The following KIAA1958 variants were observed in gnomAD, a reference collection of about 807,000 sequenced individuals.
The protein encoded by KIAA1958 is KIAA1958, also known as uncharacterized protein KIAA1958.
A neutral mutation model predicts 47.2 loss-of-function variants in KIAA1958; 14 were observed. The ratio of observed to expected loss-of-function variants is 0.30; its 90% CI spans 0.20 to 0.46. The LOEUF (loss-of-function observed/expected upper bound fraction) is 0.46. Ranked by LOEUF, KIAA1958 falls within the 20% of genes least tolerant of loss-of-function variation. KIAA1958 has a pLI of 1.00. For missense variants in KIAA1958, 803 were observed against 909.2 expected (o/e 0.88, Z 1.50); for synonymous variants, 354 against 353.3 (o/e 1.00, Z -0.02).
At chr9:112,557,020 C>G (rs904277105) in intron 1 of KIAA1958, among the ~76,000 whole-genome samples, 5 of 151,902 alleles carry the variant, frequency 3.3e-5, no homozygotes, top group African/African-American at 1.2e-4. Context: ...ACAGAGTGGC[C>G]CAATCATGGC....
At chr9:112,552,593 T>G (rs977889149) in intron 1 of KIAA1958, among the ~76,000 whole-genome samples, 21 of 152,194 alleles carry the variant, frequency 1.4e-4, no homozygotes, top group African/African-American at 4.8e-4. Context: ...TGCTTAATGT[T>G]CAAATATGTT....
chr9:112,488,631 A>T (rs1207547531), intron 1 of KIAA1958, among the ~76,000 whole-genome samples: 5 of 152,186 alleles, frequency 3.3e-5, no homozygotes, highest in African/African-American at 9.7e-5. Flanking sequence ...AATTATATGG[A>T]CAGTCATATG....
chr9:112,602,390 A>G (rs1836150069), intron 2 of KIAA1958, among the ~76,000 whole-genome samples: 1 of 152,206 alleles, frequency 6.6e-6, no homozygotes, highest in Non-Finnish European at 1.5e-5. Flanking sequence ...TAAAATACCA[A>G]GATCGTTTCC....
At chr9:112,502,117 AG>A (rs1834152261) in intron 1 of KIAA1958, among the ~76,000 whole-genome samples, 1 of 152,158 alleles carries the variant, frequency 6.6e-6, no homozygotes, top group Admixed American at 6.5e-5. Context: ...GAGGGGAGGA[AG>A]TTATTCTCAT....
intron 1 of KIAA1958, among the ~76,000 whole-genome samples, chr9:112,543,705 C>T (rs1834982824): frequency 6.6e-6 from 1 of 151,746 alleles, no homozygotes; most frequent in Non-Finnish European, 1.5e-5. Flanking sequence ...TCCTGAGTAG[C>T]TGGGATTACA....
At chr9:112,590,290 A>G (rs1835897636) in intron 2 of KIAA1958, among the ~76,000 whole-genome samples, 1 of 151,358 alleles carries the variant, frequency 6.6e-6, no homozygotes, top group Admixed American at 6.6e-5. Flanking sequence ...TCTCCTCCAA[A>G]GCTTTGTTAG....
intron 2 of KIAA1958, among the ~76,000 whole-genome samples, chr9:112,626,686 G>A (rs534316380): frequency 1.3e-5 from 2 of 151,948 alleles, no homozygotes; most frequent in Admixed American, 6.6e-5. Flanking sequence ...GATGAAGTAG[G>A]AGGTCCATGT....
chr9:112,562,856 G>A (rs1319815187), intron 1 of KIAA1958, among the ~76,000 whole-genome samples: 1 of 150,960 alleles, frequency 6.6e-6, no homozygotes, highest in African/African-American at 2.4e-5. Context: ...TGTGGAGATG[G>A]AGTCTTGCTA....
chr9:112,563,101 A>AT (rs1835366247), intron 1 of KIAA1958, among the ~76,000 whole-genome samples: 2 of 143,830 alleles, frequency 1.4e-5, no homozygotes, highest in Non-Finnish European at 3.0e-5. Context: ...ATATATATAA[A>AT]TTTTTTTTAA....
chr9:112,626,922 T>C (rs1327729641), intron 2 of KIAA1958, among the ~76,000 whole-genome samples: 2 of 152,214 alleles, frequency 1.3e-5, no homozygotes, highest in Admixed American at 1.3e-4. Flanking sequence ...AGGTGCTCTT[T>C]CATATGTGTG....
chr9:112,631,872 A>C (rs1836716409), intron 2 of KIAA1958, among the ~76,000 whole-genome samples: 1 of 152,252 alleles, frequency 6.6e-6, no homozygotes, highest in South Asian at 2.1e-4. Flanking sequence ...GCCAAAATCT[A>C]TTTTATAGTG....
chr9:112,618,529 C>A lies in KIAA1958; in HGVS notation c.1172-27121C>A, dbSNP rs76244866. 1 of 1,550,606 alleles carries A rather than the reference C, an allele frequency of 6.4e-7. No homozygotes were observed. The highest frequency in any genetic ancestry group is 1.4e-5 in the African/African-American group (1 of 73,066). On this transcript the variant is annotated intron_variant, in intron 2 of 3. Transcript: ENST00000337530. The surrounding 1 kb of genome is among the most constrained non-coding windows in gnomAD (Gnocchi z 7.1). The stretch of plus-strand genomic sequence containing the variant: ...ACTCCCGTGTGTATGCCACCCAGCA[C>A]GCCCCACAGACCTGCCCTGTCCAGG...
chr9:112,607,710 C>T (rs927158245), intron 2 of KIAA1958, among the ~76,000 whole-genome samples: 1 of 148,560 alleles, frequency 6.7e-6, no homozygotes, highest in Non-Finnish European at 1.5e-5. Context: ...AAGTTATTGC[C>T]CCTCATTGAT....
intron 2 of KIAA1958, among the ~76,000 whole-genome samples, chr9:112,629,951 T>C (rs1179912139): frequency 6.6e-6 from 1 of 152,254 alleles, no homozygotes; most frequent in Non-Finnish European, 1.5e-5. Flanking sequence ...GGCTGATTTT[T>C]GTAGCTACAA....
intron 2 of KIAA1958, among the ~76,000 whole-genome samples, chr9:112,599,742 C>T (rs1836097273): frequency 6.6e-6 from 1 of 152,146 alleles, no homozygotes; most frequent in South Asian, 2.1e-4. Flanking sequence ...AAACAAGATT[C>T]TTTTTGGAAA....
At chr9:112,585,773 A>G (rs1420827226) in intron 2 of KIAA1958, among the ~76,000 whole-genome samples, 1 of 152,214 alleles carries the variant, frequency 6.6e-6, no homozygotes, top group Non-Finnish European at 1.5e-5. Context: ...TGTCACACAC[A>G]TATTCCCTGT....
intron 2 of KIAA1958, among the ~76,000 whole-genome samples, chr9:112,578,234 G>A (rs900399680): frequency 1.3e-5 from 2 of 152,078 alleles, no homozygotes; most frequent in African/African-American, 4.8e-5. Flanking sequence ...TTTTAGTTAT[G>A]TGTTTGTGTT....
intron 1 of KIAA1958, among the ~76,000 whole-genome samples, chr9:112,558,781 C>T (rs1398659283): frequency 1.3e-5 from 2 of 152,078 alleles, no homozygotes; most frequent in East Asian, 1.9e-4. Flanking sequence ...TGATATACAC[C>T]GTAGCTTCAG....
At chr9:112,516,737 G>T (rs1189135108) in intron 1 of KIAA1958, among the ~76,000 whole-genome samples, 1 of 152,180 alleles carries the variant, frequency 6.6e-6, no homozygotes, top group Admixed American at 6.5e-5. Flanking sequence ...TGTGCTACTG[G>T]TATAAGAATT....
Sources: allele counts gnomAD v4.1 joint callset (sites outside exome capture counted in the v4.1 genomes callset), GRCh38; gene constraint gnomAD v4.1.1; non-coding constraint Gnocchi (gnomAD v3.1); transcripts MANE v1.5; gene names NCBI Gene and HGNC (gene_info 2026-07-23, HGNC 2026-07-21).